Variants in RIMS2 observed in about 807,000 individuals in gnomAD.
RIMS2 encodes the protein regulating synaptic membrane exocytosis 2.
Under a neutral mutation model 174.4 loss-of-function variants are expected in RIMS2, and 59 were observed. The ratio of observed to expected loss-of-function variants is 0.34; its 90% confidence interval spans 0.27 to 0.42. The LOEUF is 0.42. Among genes scored for constraint, RIMS2 ranks in the 10% least tolerant of loss-of-function variants. The probability of loss-of-function intolerance (pLI) is 1.00; values close to 1 mark genes in which losing one functional copy is unlikely to be tolerated. For synonymous variants in RIMS2, 606 were observed against 572.5 expected, an observed-to-expected ratio of 1.06 and a Z score of -0.84; for missense variants, 1,620 against 1,666.3, an observed-to-expected ratio of 0.97 and a Z score of 0.48.
intron 1 of RIMS2, among the ~76,000 whole-genome samples, chr8:103,656,124 C>T (rs2096528801): frequency 6.6e-6 from 1 of 151,878 alleles, no homozygotes; most frequent in Non-Finnish European, 1.5e-5. Flanking sequence ...TATGATTTGT[C>T]AGAGGAGAAG....
chr8:103,949,836 C>T (rs552425690), intron 14 of RIMS2, among the ~76,000 whole-genome samples: 25 of 152,002 alleles, frequency 1.6e-4, no homozygotes, highest in African/African-American at 5.3e-4. Flanking sequence ...GAAAGTAAAT[C>T]GAACCAAAGG....
intron 2 of RIMS2, among the ~76,000 whole-genome samples, chr8:103,720,115 A>G (rs1213332753): frequency 6.6e-6 from 1 of 152,180 alleles, no homozygotes; most frequent in Non-Finnish European, 1.5e-5. Flanking sequence ...TAATTCTCAC[A>G]TTTCAGAAGT....
intron 3 of RIMS2, among the ~76,000 whole-genome samples, chr8:103,812,337 T>TTTTTG (rs2098693089): frequency 2.7e-5 from 4 of 146,228 alleles, no homozygotes; most frequent in Admixed American, 2.1e-4. Context: ...CCTTGTTTTT[T>TTTTTG]TTTTTTTTTT....
intron 17 of RIMS2, among the ~76,000 whole-genome samples, chr8:103,999,731 G>T (rs1287626048): frequency 1.3e-5 from 2 of 151,560 alleles, no homozygotes; most frequent in African/African-American, 4.8e-5. Flanking sequence ...CTTAGTCTCA[G>T]TTATCAACAG....
At chr8:103,503,812 A>G (rs7833129) in intron 1 of RIMS2, among the ~76,000 whole-genome samples, 10,000 of 152,030 alleles carry the variant, frequency 0.066, 1,089 homozygotes, top group African/African-American at 0.23. Flanking sequence ...ATATAATTTT[A>G]AATATGCATG....
chr8:103,617,797 C>A (rs990645004), intron 1 of RIMS2, among the ~76,000 whole-genome samples: 10 of 152,128 alleles, frequency 6.6e-5, no homozygotes, highest in African/African-American at 2.4e-4. Flanking sequence ...ATCAAAACCA[C>A]AATGACATAC....
At chr8:103,751,978 G>T (rs1331445815) in intron 2 of RIMS2, among the ~76,000 whole-genome samples, 17 of 151,820 alleles carry the variant, frequency 1.1e-4, no homozygotes, top group South Asian at 2.1e-4. Flanking sequence ...GTCAATTTTG[G>T]CTTTTGTTGC....
intron 17 of RIMS2, among the ~76,000 whole-genome samples, chr8:104,002,750 T>G (rs932588590): frequency 6.6e-6 from 1 of 152,184 alleles, no homozygotes; most frequent in Non-Finnish European, 1.5e-5. Context: ...TAGAAGAAGC[T>G]GGGCTTTCAC....
At chr8:103,736,750 A>T (rs904355772) in intron 2 of RIMS2, among the ~76,000 whole-genome samples, 1 of 152,196 alleles carries the variant, frequency 6.6e-6, no homozygotes, top group African/African-American at 2.4e-5. Flanking sequence ...TTGAAACATA[A>T]TATAATGGCC....
intron 3 of RIMS2, among the ~76,000 whole-genome samples, chr8:103,781,014 G>A (rs1251391290): frequency 6.6e-6 from 1 of 152,046 alleles, no homozygotes; most frequent in Non-Finnish European, 1.5e-5. Flanking sequence ...TGCCCATACT[G>A]AATGGGAAAA....
At chr8:104,193,184 A>G (rs62508130) in intron 19 of RIMS2, among the ~76,000 whole-genome samples, 1 of 151,910 alleles carries the variant, frequency 6.6e-6, no homozygotes, top group Non-Finnish European at 1.5e-5. Flanking sequence ...GTAAAATAGT[A>G]TTGTTTTATA....
intron 19 of RIMS2, among the ~76,000 whole-genome samples, chr8:104,018,658 G>A (rs929400617): frequency 6.6e-6 from 1 of 152,044 alleles, no homozygotes; most frequent in African/African-American, 2.4e-5. Context: ...ATGTGTTATG[G>A]TGAGTACAGT....
At chr8:103,744,504 T>G (rs2097789452) in intron 2 of RIMS2, among the ~76,000 whole-genome samples, 1 of 152,234 alleles carries the variant, frequency 6.6e-6, no homozygotes, top group South Asian at 2.1e-4. Context: ...AACAATTTAC[T>G]TAAGATACGA....
intron 19 of RIMS2, among the ~76,000 whole-genome samples, 156 bp downstream of exon 23, chr8:104,068,768 G>A (rs1465883112): frequency 1.3e-5 from 2 of 151,922 alleles, no homozygotes; most frequent in Admixed American, 6.6e-5. Context: ...TTTGTATACC[G>A]CTCTTAGCAA....
chr8:104,007,704 T>C (rs1233353590), intron 17 of RIMS2, among the ~76,000 whole-genome samples: 1 of 152,218 alleles, frequency 6.6e-6, no homozygotes, highest in African/African-American at 2.4e-5. Context: ...GTAGGTCTTA[T>C]TTGTCATGCT....
chr8:103,540,948 C>A, intron 1 of RIMS2, among the ~76,000 whole-genome samples: 1 of 151,410 alleles, frequency 6.6e-6, no homozygotes, highest in African/African-American at 2.4e-5. Flanking sequence ...AGACAAGTTA[C>A]TTGAAAATAT....
chr8:104,195,162 G>C (rs752291242), intron 19 of RIMS2, among the ~76,000 whole-genome samples: 1 of 152,210 alleles, frequency 6.6e-6, no homozygotes, highest in Non-Finnish European at 1.5e-5. Flanking sequence ...ATAGAAATTA[G>C]AGATTATGAG....
chr8:103,824,013 A>G (rs915024541), intron 3 of RIMS2, among the ~76,000 whole-genome samples: 3 of 152,056 alleles, frequency 2.0e-5, no homozygotes, highest in African/African-American at 7.2e-5. Flanking sequence ...TTATAACACA[A>G]TTAATTATCT....
At chr8:103,638,837 A>G in intron 1 of RIMS2, among the ~76,000 whole-genome samples, 1 of 152,072 alleles carries the variant, frequency 6.6e-6, no homozygotes, top group South Asian at 2.1e-4. Flanking sequence ...AAACAAAATG[A>G]GGAAATACTT....
Sources: allele counts gnomAD v4.1 joint callset (sites outside exome capture counted in the v4.1 genomes callset), GRCh38; gene constraint gnomAD v4.1.1; transcripts MANE v1.5; gene names NCBI Gene and HGNC (gene_info 2026-07-23, HGNC 2026-07-21).